TMEM132D: variants seen among roughly 807,000 people sequenced by gnomAD.
TMEM132D encodes transmembrane protein 132D.
TMEM132D carries 21 observed loss-of-function variants against 62.3 expected under a neutral mutation model. The ratio of observed to expected loss-of-function variants is 0.34; its 90% CI spans 0.24 to 0.49. The LOEUF (loss-of-function observed/expected upper bound fraction) is 0.49. Among genes scored for constraint, TMEM132D ranks in the 20% least tolerant of loss-of-function variants. The probability of loss-of-function intolerance (pLI) is 0.99; values close to 1 mark genes in which losing one functional copy is unlikely to be tolerated. For missense variants in TMEM132D, 1,346 were observed against 1,402.8 expected (o/e 0.96, Z 0.65); for synonymous variants, 621 against 575.6 (o/e 1.08, Z -1.13).
intron 4 of TMEM132D, among the ~76,000 whole-genome samples, chr12:129,313,835 G>A (rs189688863): frequency 6.6e-6 from 1 of 152,216 alleles, no homozygotes; most frequent in African/African-American, 2.4e-5. Context: ...TAGCGGTGTA[G>A]AAGTGTTCTA....
At chr12:129,407,537 T>G (rs2135703710) in intron 3 of TMEM132D, among the ~76,000 whole-genome samples, 1 of 152,302 alleles carries the variant, frequency 6.6e-6, no homozygotes, top group African/African-American at 2.4e-5. Flanking sequence ...ACTAAATTAT[T>G]AAAATACATG....
At chr12:129,733,923 G>C (rs967837585) in intron 1 of TMEM132D, among the ~76,000 whole-genome samples, 11 of 152,160 alleles carry the variant, frequency 7.2e-5, no homozygotes, top group Non-Finnish European at 1.5e-4. Flanking sequence ...GTGAGATTTA[G>C]CTTGAATTCC....
At chr12:129,479,462 G>A (rs1189796645) in intron 3 of TMEM132D, among the ~76,000 whole-genome samples, 2 of 152,020 alleles carry the variant, frequency 1.3e-5, no homozygotes. Context: ...ATTGCTCTCT[G>A]GCATACGTCC....
intron 4 of TMEM132D, among the ~76,000 whole-genome samples, chr12:129,267,104 A>G (rs1880717530): frequency 6.6e-6 from 1 of 151,968 alleles, no homozygotes; most frequent in South Asian, 2.1e-4. Flanking sequence ...TCTCTTCCTC[A>G]TTATACTCCA....
At chr12:129,673,314 T>A (rs1274017146) in intron 2 of TMEM132D, among the ~76,000 whole-genome samples, 1 of 152,226 alleles carries the variant, frequency 6.6e-6, no homozygotes, top group Non-Finnish European at 1.5e-5. Context: ...GTTGACTTTT[T>A]AAAAAGTATT....
intron 2 of TMEM132D, among the ~76,000 whole-genome samples, chr12:129,582,668 G>T (rs1410369798): frequency 1.3e-5 from 2 of 151,484 alleles, no homozygotes; most frequent in Non-Finnish European, 1.5e-5. Flanking sequence ...GCCCAGGCTG[G>T]AGTGCAGTGG....
intron 1 of TMEM132D, among the ~76,000 whole-genome samples, chr12:129,847,483 T>TGAACTTCAATTCAGC (rs940263032): frequency 6.6e-6 from 1 of 152,140 alleles, no homozygotes; most frequent in Non-Finnish European, 1.5e-5. Context: ...ATTTTAGTCT[T>TGAACTTCAATTCAGC]CCCAGGTCTG....
chr12:129,450,889 G>C (rs1363886859), intron 3 of TMEM132D, among the ~76,000 whole-genome samples: 1 of 120,996 alleles, frequency 8.3e-6, no homozygotes, highest in African/African-American at 3.2e-5. Flanking sequence ...CCGAGTAGCT[G>C]GGATTACAGG....
chr12:129,782,751 C>G (rs1372584940), intron 1 of TMEM132D, among the ~76,000 whole-genome samples: 5 of 152,216 alleles, frequency 3.3e-5, no homozygotes, highest in Non-Finnish European at 7.4e-5. Flanking sequence ...CTGATAAATC[C>G]AGGTGAGTCA....
intron 1 of TMEM132D, among the ~76,000 whole-genome samples, chr12:129,783,815 T>C (rs1397952819): frequency 1.3e-5 from 2 of 152,208 alleles, no homozygotes; most frequent in African/African-American, 4.8e-5. Context: ...TCGCTGTAAG[T>C]TGTGTCCCCA....
At chr12:129,661,110 G>T (rs1210997045) in intron 2 of TMEM132D, among the ~76,000 whole-genome samples, 3 of 152,248 alleles carry the variant, frequency 2.0e-5, no homozygotes, top group African/African-American at 7.2e-5. Context: ...GATTCGGTCT[G>T]CAGCTGTGCT....
At chr12:129,246,323 C>G (rs35077675) in intron 4 of TMEM132D, among the ~76,000 whole-genome samples, 6 of 152,034 alleles carry the variant, frequency 3.9e-5, no homozygotes, top group Admixed American at 6.5e-5. Flanking sequence ...GGCGGAATGA[C>G]GCATGCTGGC....
At position 129,700,164 on chromosome 12, in the gene TMEM132D, G is replaced by A. The variant is rs746510617; in HGVS notation, c.614C>T (p.Pro205Leu). ...ELELLSSWFS[P>L]PTVVAGRRKS... ...CCTCCTCCCGGCAACCACCGTGGGG[G>A]GGCTGAACCAGCTGGACAGGAGCTC... Residue 205 changes from proline to leucine, a missense_variant, in exon 2 of 9, where the codon CCC (proline) becomes CTC (leucine). Pro to Leu is a moderately conservative substitution (Grantham distance 98, BLOSUM62 -3). Coordinates refer to ENST00000422113, the MANE Select transcript of TMEM132D (RefSeq NM_133448.3). The A allele has an allele frequency of 6.2e-7, 1 of 1,613,050 alleles. No individual in the cohort carries two copies. Among genetic ancestry groups the A allele is most frequent in the Non-Finnish European group, 8.5e-7 (1 of 1,180,018 alleles).
At chr12:129,854,782 C>G (rs937729842) in intron 1 of TMEM132D, 1 of 152,204 alleles carries the variant, frequency 6.6e-6, no homozygotes, top group African/African-American at 2.4e-5. Flanking sequence ...AGATAAAATC[C>G]CAGCTCATCT....
At chr12:129,584,248 C>T (rs918260444) in intron 2 of TMEM132D, among the ~76,000 whole-genome samples, 2 of 152,156 alleles carry the variant, frequency 1.3e-5, no homozygotes, top group African/African-American at 2.4e-5. Flanking sequence ...TCCCCAGATG[C>T]AATTTCTGTC....
intron 3 of TMEM132D, among the ~76,000 whole-genome samples, chr12:129,411,368 GCTTGT>G (rs1593369436): frequency 6.6e-6 from 1 of 151,952 alleles, no homozygotes; most frequent in Admixed American, 6.6e-5. Context: ...TTTGGTTTGG[GCTTGT>G]TTTGTTTTGT....
chr12:129,350,727 C>G (rs926116354), intron 3 of TMEM132D, among the ~76,000 whole-genome samples: 1 of 152,166 alleles, frequency 6.6e-6, no homozygotes, highest in Non-Finnish European at 1.5e-5. Context: ...ACCAACCAAC[C>G]CAAGTTCATG....
intron 1 of TMEM132D, among the ~76,000 whole-genome samples, chr12:129,888,405 A>G (rs528705274): frequency 6.6e-6 from 1 of 152,212 alleles, no homozygotes; most frequent in African/African-American, 2.4e-5. Flanking sequence ...ATTAAAAATT[A>G]TAACAGCCCT....
intron 3 of TMEM132D, among the ~76,000 whole-genome samples, chr12:129,374,807 A>G (rs1870735894): frequency 6.6e-6 from 1 of 152,178 alleles, no homozygotes; most frequent in Non-Finnish European, 1.5e-5. Flanking sequence ...AGCCTCAGAG[A>G]AAGAGGATGG....
Sources: allele counts gnomAD v4.1 joint callset (sites outside exome capture counted in the v4.1 genomes callset), GRCh38; gene constraint gnomAD v4.1.1; transcripts MANE v1.5; gene names NCBI Gene and HGNC (gene_info 2026-07-23, HGNC 2026-07-21).